Variants in LIPC observed in about 807,000 individuals in gnomAD.
The protein encoded by LIPC is lipase C, hepatic type, also known as hepatic triacylglycerol lipase.
Under a neutral mutation model 50.7 loss-of-function variants are expected in LIPC, and 44 were observed. That is an observed-to-expected ratio of 0.87 (90% confidence interval 0.68 to 1.11). The LOEUF is 1.11. LIPC is among the 50% of genes most tolerant of loss of function. LIPC has a pLI of 0.00. For synonymous variants in LIPC, 271 were observed against 256.4 expected (o/e 1.06, Z -0.54); for missense variants, 697 against 648.2 (o/e 1.08, Z -0.82).
chr15:58,491,360 G>C (rs1014578232), intron 1 of LIPC, among the ~76,000 whole-genome samples: 4 of 152,194 alleles, frequency 2.6e-5, no homozygotes, highest in African/African-American at 9.7e-5. Context: ...TGTCACCAAG[G>C]CAAGTCACTC....
intron 1 of LIPC, among the ~76,000 whole-genome samples, chr15:58,523,817 C>A (rs2140879772): frequency 6.6e-6 from 1 of 152,182 alleles, no homozygotes; most frequent in South Asian, 2.1e-4. Context: ...TGCCTGCGAT[C>A]CCAGCTACTT....
intron 5 of LIPC, among the ~76,000 whole-genome samples, chr15:58,547,743 C>A (rs1266566522): frequency 2.6e-5 from 4 of 151,962 alleles, no homozygotes; most frequent in African/African-American, 7.3e-5. Flanking sequence ...AAATCCAATT[C>A]TTGTGCTGGT....
intron 5 of LIPC, 64 bp downstream of exon 5, chr15:58,546,039 C>T (rs1222214215): frequency 7.5e-6 from 10 of 1,333,132 alleles, no homozygotes; most frequent in South Asian, 2.4e-5. Context: ...TGGAATTCAG[C>T]GGAATCTACC....
chr15:58,434,058 T>G (rs1893209508), intron 1 of LIPC, among the ~76,000 whole-genome samples: 1 of 151,958 alleles, frequency 6.6e-6, no homozygotes. Flanking sequence ...CTTGGCAATG[T>G]CTGGAGACAT....
intron 1 of LIPC, among the ~76,000 whole-genome samples, chr15:58,528,981 C>G (rs1892870048): frequency 6.6e-6 from 1 of 152,156 alleles, no homozygotes. Context: ...TGGGCTGAGA[C>G]AGGACTTGCA....
In LIPC at chr15:58,541,777, C is replaced by T; in HGVS notation, c.274-8C>T. The T allele has an allele frequency of 1.9e-6, 3 of 1,612,882 alleles. No individual in the cohort carries two copies. Among genetic ancestry groups the T allele is most frequent in the Non-Finnish European group, 2.5e-6 (3 of 1,179,668 alleles). ...ACTAGTGCGACCCTCCCTCTGTCCCCTCCTCAGGTGGACGGCGTGCTAGAA... is the reference window on the plus strand; with the variant it reads ...ACTAGTGCGACCCTCCCTCTGTCCCTTCCTCAGGTGGACGGCGTGCTAGAA... On this transcript the variant is annotated splice_polypyrimidine_tract_variant and splice_region_variant and intron_variant, in intron 2 of 8. Transcript: ENST00000299022.
intron 1 of LIPC, 74 bp downstream of exon 1, chr15:58,432,194 G>A: frequency 1.8e-6 from 2 of 1,132,666 alleles, no homozygotes; most frequent in East Asian, 4.7e-5. Context: ...AGAATCCAGG[G>A]GTTTCTGACT....
intron 1 of LIPC, among the ~76,000 whole-genome samples, chr15:58,466,416 T>C (rs1480122904): frequency 7.9e-5 from 12 of 152,222 alleles, no homozygotes; most frequent in Admixed American, 6.5e-4. Flanking sequence ...TAAGTAGTTA[T>C]AGAACCTTGA....
chr15:58,474,102 A>C (rs1370106058), intron 1 of LIPC, among the ~76,000 whole-genome samples: 1 of 152,152 alleles, frequency 6.6e-6, no homozygotes, highest in Non-Finnish European at 1.5e-5. Context: ...ATCAATCATC[A>C]AGCAACCAAC....
At chr15:58,549,699 C>T (rs571044120) in intron 6 of LIPC, among the ~76,000 whole-genome samples, 1 of 152,316 alleles carries the variant, frequency 6.6e-6, no homozygotes, top group South Asian at 2.1e-4. Flanking sequence ...TCAGGTTTCC[C>T]TCCCTTGAGT....
At chr15:58,536,270 G>A (rs1412157888) in intron 1 of LIPC, among the ~76,000 whole-genome samples, 1 of 152,162 alleles carries the variant, frequency 6.6e-6, no homozygotes, top group East Asian at 1.9e-4. Context: ...AGGGCATTTG[G>A]GAACTGTTGG....
chr15:58,556,463 G>A (rs1009069975), intron 6 of LIPC, among the ~76,000 whole-genome samples: 6 of 152,046 alleles, frequency 3.9e-5, no homozygotes, highest in African/African-American at 9.7e-5. Flanking sequence ...TAGAATACAC[G>A]TTTACTGCAG....
intron 1 of LIPC, among the ~76,000 whole-genome samples, chr15:58,527,491 A>T (rs1892829946): frequency 6.6e-6 from 1 of 152,196 alleles, no homozygotes; most frequent in Non-Finnish European, 1.5e-5. Flanking sequence ...CATCAGGGCC[A>T]GCCTTTGATT....
chr15:58,506,403 C>T (rs1555402463), intron 1 of LIPC, among the ~76,000 whole-genome samples: 1 of 152,216 alleles, frequency 6.6e-6, no homozygotes, highest in Non-Finnish European at 1.5e-5. Flanking sequence ...CACCCTCCCA[C>T]AGAAGGCACA....
At chr15:58,504,470 C>T (rs1162823761) in intron 1 of LIPC, among the ~76,000 whole-genome samples, 3 of 152,178 alleles carry the variant, frequency 2.0e-5, no homozygotes, top group Non-Finnish European at 4.4e-5. Flanking sequence ...ACACCCCCCT[C>T]TCTGTATGAA....
intron 1 of LIPC, among the ~76,000 whole-genome samples, chr15:58,500,549 G>T (rs561690302): frequency 6.6e-6 from 1 of 152,136 alleles, no homozygotes; most frequent in African/African-American, 2.4e-5. Flanking sequence ...TCACTTGAGG[G>T]CTGGGAGAAG....
intron 1 of LIPC, among the ~76,000 whole-genome samples, chr15:58,483,195 T>C (rs1251256130): frequency 6.6e-6 from 1 of 152,202 alleles, no homozygotes; most frequent in Non-Finnish European, 1.5e-5. Flanking sequence ...TTACTGAAAT[T>C]CAATGTAAAT....
chr15:58,497,320 G>A (rs545093801), intron 1 of LIPC, among the ~76,000 whole-genome samples: 14 of 152,288 alleles, frequency 9.2e-5, no homozygotes, highest in African/African-American at 3.4e-4. Flanking sequence ...GGGACAATCT[G>A]TCAGCAGCCA....
At chr15:58,492,256 G>T (rs1400597600) in intron 1 of LIPC, among the ~76,000 whole-genome samples, 2 of 152,132 alleles carry the variant, frequency 1.3e-5, no homozygotes, top group African/African-American at 4.8e-5. Context: ...TCAGGCAAGT[G>T]GAAGAAACCT....
Sources: allele counts gnomAD v4.1 joint callset (sites outside exome capture counted in the v4.1 genomes callset), GRCh38; gene constraint gnomAD v4.1.1; transcripts MANE v1.5; gene names NCBI Gene and HGNC (gene_info 2026-07-23, HGNC 2026-07-21).